REL: variants seen among roughly 807,000 people sequenced by gnomAD.
REL encodes the protein proto-oncogene c-Rel.
REL carries 15 observed loss-of-function variants against 45.9 expected under a neutral mutation model. The ratio of observed to expected loss-of-function variants is 0.33; its 90% CI spans 0.22 to 0.50. The LOEUF (loss-of-function observed/expected upper bound fraction) is 0.50, where lower values mean the gene tolerates loss of function less well. Among genes scored for constraint, REL ranks in the 20% least tolerant of loss-of-function variants. REL has a pLI of 0.98. For missense variants in REL, 601 were observed against 715.2 expected (o/e 0.84, Z 1.82); for synonymous variants, 239 against 242.1 (o/e 0.99, Z 0.12).
intron 3 of REL, among the ~76,000 whole-genome samples, chr2:60,895,959 G>A (rs1459459368): frequency 1.3e-5 from 2 of 151,814 alleles, no homozygotes; most frequent in African/African-American, 2.4e-5. Flanking sequence ...CTATTGGTAT[G>A]TAAATATAGT....
In REL at chr2:60,923,916, T is replaced by G. The variant is rs915395561; in HGVS notation, c.*1381T>G. 2.1e-5 allele frequency: 5 copies of G among 232,818 alleles called. No homozygotes were observed. In the Admixed American group the frequency reaches 2.3e-4, roughly 10 times the overall value. 14.4% of individuals were successfully genotyped at this position (232,818 alleles called of 1,614,324 possible). A position where few individuals can be genotyped will look rare whatever the true frequency, so the allele number is the denominator to read the frequency against. ...ACCATTCATTGGCTTCTCATCTCAC[T>G]CAGAGCAGTCAAAGTCCTTAAAAGT... On this transcript the variant is annotated 3_prime_UTR_variant, in exon 10 of 10. Coordinates refer to ENST00000394479, the MANE Select transcript of REL (RefSeq NM_001291746.2).
chr2:60,906,821 C>G (rs962810114), intron 4 of REL, among the ~76,000 whole-genome samples: 3 of 148,140 alleles, frequency 2.0e-5, no homozygotes, highest in African/African-American at 7.5e-5. Context: ...CCCAAAGTAC[C>G]TGTGTGTGTG....
At chr2:60,888,892 C>G (rs1308352845) in intron 1 of REL, among the ~76,000 whole-genome samples, 1 of 152,156 alleles carries the variant, frequency 6.6e-6, no homozygotes, top group Non-Finnish European at 1.5e-5. Context: ...CTTATCACTG[C>G]CATATATCAG....
At chr2:60,913,201 T>TATGTCTGAA (rs1673869147) in intron 4 of REL, among the ~76,000 whole-genome samples, 5 of 152,204 alleles carry the variant, frequency 3.3e-5, no homozygotes, top group African/African-American at 1.2e-4. Flanking sequence ...ATAGTTACTT[T>TATGTCTGAA]AAATTATATG....
rs181944439 is a variant in REL at position 60,920,462 on chromosome 2, A to G, written c.923-112A>G. 6.5e-5 allele frequency: 53 copies of G among 812,066 alleles called. No individual in the cohort carries two copies. In the East Asian group the frequency reaches 1.3e-3, roughly 20 times the overall value. 50.3% of individuals were successfully genotyped at this position (812,066 alleles called of 1,614,324 possible). A position where few individuals can be genotyped will look rare whatever the true frequency, so the allele number is the denominator to read the frequency against. ...GTGATCCACCCACCTTGGCCTCCCA[A>G]AGTGCTGGGATTACAGGTGGGAGCC... On this transcript the variant is annotated intron_variant, in intron 8 of 9. Coordinates refer to ENST00000394479, the MANE Select transcript of REL (RefSeq NM_001291746.2).
intron 1 of REL, among the ~76,000 whole-genome samples, chr2:60,890,380 T>G (rs1673178300): frequency 6.6e-6 from 1 of 152,198 alleles, no homozygotes; most frequent in South Asian, 2.1e-4. Context: ...TTTAATCACA[T>G]TTCCTTGGTC....
chr2:60,931,211 G>A lies in REL; in HGVS notation c.*8676G>A, dbSNP rs530568054. 1.3e-5 allele frequency: 2 copies of A among 152,430 alleles called. No homozygotes were observed. Among genetic ancestry groups the A allele is most frequent in the South Asian group, 2.1e-4 (1 of 4,828 alleles). 9.4% of individuals were successfully genotyped at this position (152,430 alleles called of 1,614,324 possible). On this transcript the variant is annotated 3_prime_UTR_variant, in exon 10 of 10. Transcript: ENST00000394479. Reference sequence around the variant, plus strand: ...ACAGTTCAAGTAGCTTTAAGATGATGTGGCAAGGAAAACACAAAGCTTTTG... The same window carrying A: ...ACAGTTCAAGTAGCTTTAAGATGATATGGCAAGGAAAACACAAAGCTTTTG...
intron 2 of REL, among the ~76,000 whole-genome samples, chr2:60,893,360 A>G (rs2103931318): frequency 6.6e-6 from 1 of 152,328 alleles, no homozygotes; most frequent in Middle Eastern, 3.4e-3. Context: ...CATTTTTGGC[A>G]GTAATATGGA....
rs944972865 is a variant in REL at position 60,926,412 on chromosome 2, G to T, written c.*3877G>T. Reference sequence around the variant, plus strand: ...TGGGAAAGATGAGCGGAGACTGCCCGCCTTGTCAAATCTAGTGTCTTTTTT... The same window carrying T: ...TGGGAAAGATGAGCGGAGACTGCCCTCCTTGTCAAATCTAGTGTCTTTTTT... On this transcript the variant is annotated 3_prime_UTR_variant, in exon 10 of 10. Transcript: ENST00000394479. The T allele has an allele frequency of 5.4e-4, 126 of 231,964 alleles. No individual in the cohort carries two copies. The highest frequency in any genetic ancestry group is 1.7e-3 in the Admixed American group (31 of 17,724). The allele number at this position is 231,964 out of a possible 1,614,324, so 14.4% of individuals were successfully genotyped here.
chr2:60,915,004 TG>T (rs1464845198), intron 4 of REL, among the ~76,000 whole-genome samples: 2 of 152,044 alleles, frequency 1.3e-5, no homozygotes, highest in Non-Finnish European at 2.9e-5. Flanking sequence ...GCTAATTTTT[TG>T]TATTTTTAGT....
At chr2:60,890,878 A>G (rs1673192358) in intron 1 of REL, among the ~76,000 whole-genome samples, 1 of 152,180 alleles carries the variant, frequency 6.6e-6, no homozygotes, top group Non-Finnish European at 1.5e-5. Flanking sequence ...AGGGTTTCAT[A>G]TAAATGGAAT....
At chr2:60,891,236 A>G (rs552816822) in intron 1 of REL, among the ~76,000 whole-genome samples, 3 of 152,352 alleles carry the variant, frequency 2.0e-5, no homozygotes, top group Non-Finnish European at 4.4e-5. Context: ...CAGTATTATG[A>G]ATATGATGTA....
intron 9 of REL, among the ~76,000 whole-genome samples, chr2:60,920,869 TG>T (rs1674122847): frequency 6.6e-6 from 1 of 152,242 alleles, no homozygotes; most frequent in Admixed American, 6.5e-5. Flanking sequence ...GTTGTTCATA[TG>T]GTAGCAATTT....
chr2:60,883,291 C>CA (rs1307533563), intron 1 of REL, among the ~76,000 whole-genome samples: 1 of 152,182 alleles, frequency 6.6e-6, no homozygotes, highest in Non-Finnish European at 1.5e-5. Context: ...TTGAGCAGAA[C>CA]AATGCCATAG....
At chr2:60,917,510 T>C (rs2103979297) in intron 5 of REL, among the ~76,000 whole-genome samples, 1 of 150,236 alleles carries the variant, frequency 6.7e-6, no homozygotes, top group South Asian at 2.1e-4. Flanking sequence ...ATACATATTC[T>C]TGTATATTTT....
chr2:60,898,165 C>G (rs757424956), intron 3 of REL, among the ~76,000 whole-genome samples: 2 of 152,204 alleles, frequency 1.3e-5, no homozygotes, highest in African/African-American at 2.4e-5. Context: ...ACTGGTCTTG[C>G]ATTAACCATT....
Position 60,923,038 on chromosome 2 carries a change from T to C in REL, c.*503T>C, listed in dbSNP as rs1456823621. 1 of 165,080 alleles carries C rather than the reference T, an allele frequency of 6.1e-6. No individual in the cohort carries two copies. The highest frequency in any genetic ancestry group is 2.4e-5 in the African/African-American group (1 of 41,402). 10.2% of individuals were successfully genotyped at this position (165,080 alleles called of 1,614,324 possible). ...CAGCCTGGGTGACAGAGTGAGACTC[T>C]GTCTCAAAAAAAAAAAAACAAAAAA... On this transcript the variant is annotated 3_prime_UTR_variant, in exon 10 of 10. Transcript: ENST00000394479.
chr2:60,885,134 C>A (rs1673040111), intron 1 of REL, among the ~76,000 whole-genome samples: 1 of 152,142 alleles, frequency 6.6e-6, no homozygotes, highest in African/African-American at 2.4e-5. Context: ...TTAGGAACAT[C>A]TAGGTTATGC....
At chr2:60,895,991 G>A (rs1673336852) in intron 3 of REL, among the ~76,000 whole-genome samples, 1 of 151,796 alleles carries the variant, frequency 6.6e-6, no homozygotes, top group South Asian at 2.1e-4. Context: ...AGATAAATAG[G>A]TTTTCTGTTT....
Sources: allele counts gnomAD v4.1 joint callset (sites outside exome capture counted in the v4.1 genomes callset), GRCh38; gene constraint gnomAD v4.1.1; transcripts MANE v1.5; gene names NCBI Gene and HGNC (gene_info 2026-07-23, HGNC 2026-07-21).